The following MOB4 variants were observed in gnomAD, a reference collection of about 807,000 sequenced individuals.
MOB4 encodes MOB family member 4, phocein, also known as MOB-like protein phocein.
A neutral mutation model predicts 32.2 loss-of-function variants in MOB4; 4 were observed. The ratio of observed to expected loss-of-function variants is 0.12; its 90% CI spans 0.06 to 0.28. The LOEUF (loss-of-function observed/expected upper bound fraction) is 0.28, where lower values mean the gene tolerates loss of function less well. Among genes scored for constraint, MOB4 ranks in the 10% least tolerant of loss-of-function variants. MOB4 has a pLI of 1.00. For synonymous variants in MOB4, 88 were observed against 88.1 expected (o/e 1.00, Z 0.01); for missense variants, 158 against 271.2 (o/e 0.58, Z 2.93).
intron 2 of MOB4, among the ~76,000 whole-genome samples, chr2:197,527,825 A>G (rs939809875): frequency 6.6e-6 from 1 of 152,002 alleles, no homozygotes; most frequent in Non-Finnish European, 1.5e-5. Flanking sequence ...TAGTTTTCTG[A>G]GTGGTTTTAT....
intron 1 of MOB4, 46 bp downstream of exon 1, chr2:197,516,192 G>C (rs1453309531): frequency 6.4e-7 from 1 of 1,560,496 alleles, no homozygotes; most frequent in African/African-American, 1.4e-5. Context: ...GTGCCGAGCA[G>C]TGCTGCGCCC....
Position 197,520,971 on chromosome 2 carries a change from C to A in MOB4, c.61-2653C>A, listed in dbSNP as rs536231820. ...CAGAAAGCTGGTTTATTTGATGTTTCCTTCTCTTTTTAAAATTTTTGTGGG... is the reference window on the plus strand; with the variant it reads ...CAGAAAGCTGGTTTATTTGATGTTTACTTCTCTTTTTAAAATTTTTGTGGG... On this transcript the variant is annotated intron_variant, in intron 1 of 7. Transcript: ENST00000323303. Among the ~76,000 whole-genome samples, 76 of 149,480 alleles carry A rather than the reference C, an allele frequency of 5.1e-4. 1 individual carries two copies. The highest frequency in any genetic ancestry group is 8.6e-4 in the Non-Finnish European group (58 of 67,592).
intron 5 of MOB4, among the ~76,000 whole-genome samples, chr2:197,542,625 CATT>C (rs2086916172): frequency 6.6e-6 from 1 of 152,174 alleles, no homozygotes; most frequent in South Asian, 2.1e-4. Context: ...AGGCGACAAA[CATT>C]ATAACTTACT....
rs1179255445 is a variant in MOB4, at chr2:197,539,295, G to A, written c.225-816G>A. ...ATCAAATAGCTGTCTAAAACTGATG[G>A]CCTCAGTGCAATTGTAATGTAATTT... On this transcript the variant is annotated intron_variant, in intron 3 of 7. Transcript: ENST00000323303. Among the ~76,000 whole-genome samples, 3 of 150,872 alleles carry A rather than the reference G, an allele frequency of 2.0e-5. No individual in the cohort carries two copies. The East Asian group carries it at 5.8e-4, about 29-fold the overall frequency.
chr2:197,535,484 C>A, intron 2 of MOB4, 46 bp from the exon 3 acceptor site: 1 of 1,521,802 alleles, frequency 6.6e-7, no homozygotes, highest in Admixed American at 2.1e-5. Context: ...ATAAGATTTA[C>A]CAGGTGATAT....
rs760580235 is a variant in MOB4, at chr2:197,551,456, G to A, written c.*810G>A. The stretch of plus-strand genomic sequence containing the variant: ...ATACCTATTTATATTTGTATTAATT[G>A]CTTACAGATTATACCTCATATTAGC... On this transcript the variant is annotated 3_prime_UTR_variant, in exon 8 of 8. Transcript: ENST00000323303. 24 of 152,630 alleles carry A rather than the reference G, an allele frequency of 1.6e-4. No individual in the cohort carries two copies. Among genetic ancestry groups the A allele is most frequent in the Non-Finnish European group, 1.6e-4 (11 of 68,002 alleles). 9.5% of individuals were successfully genotyped at this position (152,630 alleles called of 1,614,324 possible).
At chr2:197,527,531 G>A (rs149665860) in intron 2 of MOB4, among the ~76,000 whole-genome samples, 3 of 152,128 alleles carry the variant, frequency 2.0e-5, no homozygotes, top group Non-Finnish European at 2.9e-5. Flanking sequence ...TTAGAGTAAC[G>A]TTCTTGTGGA....
chr2:197,550,474 G>A (rs2087078818), intron 7 of MOB4, 41 bp from the exon 8 acceptor site: 1 of 1,580,342 alleles, frequency 6.3e-7, no homozygotes, highest in East Asian at 2.3e-5. Context: ...TTTAGTTTGG[G>A]ATAGTGAATT....
At chr2:197,522,735 G>A (rs373472465) in intron 1 of MOB4, among the ~76,000 whole-genome samples, 1 of 151,958 alleles carries the variant, frequency 6.6e-6, no homozygotes, top group Non-Finnish European at 1.5e-5. Flanking sequence ...AATACTTATG[G>A]GTCGATCATG....
chr2:197,535,703 T>C, intron 3 of MOB4, 73 bp downstream of exon 3: 2 of 1,518,074 alleles, frequency 1.3e-6, no homozygotes, highest in Non-Finnish European at 1.8e-6. Context: ...AATTATGAAT[T>C]GTAAAATTTA....
chr2:197,544,015 T>C (rs964660686), intron 5 of MOB4, among the ~76,000 whole-genome samples: 2 of 151,806 alleles, frequency 1.3e-5, no homozygotes, highest in Admixed American at 6.6e-5. Flanking sequence ...GCTGGGATTA[T>C]AGATGTGAGC....
chr2:197,548,025 G>A (rs993916819), intron 5 of MOB4, among the ~76,000 whole-genome samples: 1 of 152,058 alleles, frequency 6.6e-6, no homozygotes, highest in Non-Finnish European at 1.5e-5. Context: ...ATATAAGAAG[G>A]CATCCCTGGA....
rs780769123 is a variant in MOB4 at position 197,535,625 on chromosome 2, T to C, written c.219T>C (p.His73=). Residue 73 remains histidine (H), a synonymous_variant, in exon 3 of 8, where the codon CAT becomes CAC. Coordinates refer to ENST00000323303, the MANE Select transcript of MOB4 (RefSeq NM_015387.5). ...ATGAAGGTGTGTGGAAGTATGAACA[T>C]TTAAGGTAGGACCTTACATCAAAAT... ...GQDEGVWKYE[H]LRQFCLELNG... 6.2e-7 allele frequency: 1 copy of C among 1,608,574 alleles called. No individual in the cohort carries two copies. The highest frequency in any genetic ancestry group is 8.5e-7 in the Non-Finnish European group (1 of 1,178,800).
rs1370363575 is a variant in MOB4 at position 197,551,876 on chromosome 2, A to T, written c.*1230A>T. The T allele has an allele frequency of 6.6e-6, 1 of 152,344 alleles. No homozygotes were observed. The highest frequency in any genetic ancestry group is 2.4e-5 in the African/African-American group (1 of 41,466). 9.4% of individuals were successfully genotyped at this position (152,344 alleles called of 1,614,324 possible). ...TTTTTGATAAAGCACTGGAGGTCTT[A>T]TTGCCAAACTGATTGTAATGAGGCA... On this transcript the variant is annotated 3_prime_UTR_variant, in exon 8 of 8. Transcript: ENST00000323303.
chr2:197,540,026 A>G (rs1426839858), intron 3 of MOB4, 85 bp from the exon 4 acceptor site: 4 of 1,442,138 alleles, frequency 2.8e-6, no homozygotes, highest in Non-Finnish European at 3.8e-6. Flanking sequence ...GATGATACTG[A>G]TGGGATTCTC....
intron 5 of MOB4, among the ~76,000 whole-genome samples, chr2:197,540,639 C>A (rs1205426733): frequency 6.6e-6 from 1 of 152,190 alleles, no homozygotes; most frequent in Admixed American, 6.5e-5. Flanking sequence ...TGGGCAATTA[C>A]ATGGGCTAGA....
intron 5 of MOB4, among the ~76,000 whole-genome samples, chr2:197,541,641 C>T (rs1043758435): frequency 1.3e-5 from 2 of 152,142 alleles, no homozygotes; most frequent in African/African-American, 2.4e-5. Context: ...ATCTGTCGGC[C>T]GGGCGCGGTG....
At chr2:197,536,595 CTTTTTTT>C (rs71012981) in intron 3 of MOB4, among the ~76,000 whole-genome samples, 17 of 55,376 alleles carry the variant, frequency 3.1e-4, no homozygotes, top group Non-Finnish European at 4.6e-4. Flanking sequence ...CATCTTTTGT[CTTTTTTT>C]TTTTTTTTTT....
At chr2:197,516,200 C>A (rs1391321581) in intron 1 of MOB4, 54 bp downstream of exon 1, 7 of 1,552,170 alleles carry the variant, frequency 4.5e-6, no homozygotes, top group African/African-American at 1.4e-5. Flanking sequence ...CAGTGCTGCG[C>A]CCGGAAGCTG....
Sources: gnomAD v4.1 joint callset for allele counts (sites outside exome capture counted in the v4.1 genomes callset) on GRCh38, gnomAD v4.1.1 for gene constraint, MANE v1.5 for transcripts, NCBI Gene and HGNC (gene_info 2026-07-23, HGNC 2026-07-21) for gene names.